Variants in AGBL4 observed in about 807,000 individuals in gnomAD.
AGBL4 encodes the protein cytosolic carboxypeptidase 6.
A neutral mutation model predicts 66.4 loss-of-function variants in AGBL4; 58 were observed. The ratio of observed to expected loss-of-function variants is 0.87; its 90% confidence interval spans 0.71 to 1.09. The LOEUF (loss-of-function observed/expected upper bound fraction) is 1.09, where lower values mean the gene tolerates loss of function less well. Among genes scored for constraint, AGBL4 ranks in the 50% least tolerant of loss-of-function variants. The probability of loss-of-function intolerance (pLI) is 0.00; values close to 1 mark genes in which losing one functional copy is unlikely to be tolerated. For synonymous variants in AGBL4, 234 were observed against 222.9 expected (o/e 1.05, Z -0.44); for missense variants, 579 against 631.0 (o/e 0.92, Z 0.88).
intron 4 of AGBL4, among the ~76,000 whole-genome samples, chr1:49,139,804 T>C (rs1385226654): frequency 6.6e-6 from 1 of 152,172 alleles, no homozygotes; most frequent in African/African-American, 2.4e-5. Flanking sequence ...TTTTTTATTG[T>C]TTGTTGCCTC....
At chr1:49,611,107 T>G (rs1051553078) in intron 3 of AGBL4, among the ~76,000 whole-genome samples, 1 of 152,130 alleles carries the variant, frequency 6.6e-6, no homozygotes, top group Non-Finnish European at 1.5e-5. Context: ...TACCAAAACC[T>G]GGAGAATGTA....
chr1:49,035,407 G>A (rs572136678), intron 5 of AGBL4, among the ~76,000 whole-genome samples: 41 of 152,258 alleles, frequency 2.7e-4, no homozygotes, highest in African/African-American at 9.6e-4. Flanking sequence ...AGAAAAGAAA[G>A]TACACTTGGA....
At chr1:49,565,104 T>C (rs1644159842) in intron 3 of AGBL4, among the ~76,000 whole-genome samples, 1 of 152,210 alleles carries the variant, frequency 6.6e-6, no homozygotes. Flanking sequence ...TTAAAGTCTG[T>C]TTTTTCTGAG....
intron 3 of AGBL4, among the ~76,000 whole-genome samples, chr1:49,477,174 A>G (rs1219673810): frequency 1.3e-5 from 2 of 152,068 alleles, no homozygotes; most frequent in Non-Finnish European, 2.9e-5. Flanking sequence ...ATAAACTTGG[A>G]TAGCTTCACT....
intron 2 of AGBL4, among the ~76,000 whole-genome samples, chr1:49,709,558 G>A (rs942706712): frequency 1.3e-5 from 2 of 152,006 alleles, no homozygotes; most frequent in African/African-American, 4.8e-5. Flanking sequence ...CAAAAGCAAT[G>A]GCAAACACCA....
chr1:49,488,895 A>G (rs1482746186), intron 3 of AGBL4, among the ~76,000 whole-genome samples: 1 of 151,884 alleles, frequency 6.6e-6, no homozygotes, highest in Non-Finnish European at 1.5e-5. Context: ...ATTGTACCCC[A>G]TTGTGTATAT....
intron 6 of AGBL4, among the ~76,000 whole-genome samples, chr1:48,764,852 G>C (rs191910531): frequency 8.9e-4 from 136 of 152,328 alleles, no homozygotes; most frequent in Middle Eastern, 6.8e-3. Flanking sequence ...GCGGATGACA[G>C]AGCTCAGCAA....
intron 4 of AGBL4, among the ~76,000 whole-genome samples, chr1:49,076,063 G>A (rs1015221945): frequency 1.3e-5 from 2 of 152,158 alleles, no homozygotes; most frequent in Admixed American, 1.3e-4. Flanking sequence ...ATTTAAGTAA[G>A]GCAATATATT....
At chr1:49,385,900 T>C (rs1411882065) in intron 3 of AGBL4, among the ~76,000 whole-genome samples, 1 of 152,072 alleles carries the variant, frequency 6.6e-6, no homozygotes, top group Non-Finnish European at 1.5e-5. Flanking sequence ...GTATTCCAGT[T>C]ATAAAATATC....
chr1:49,390,451 A>C (rs1355305509), intron 3 of AGBL4, among the ~76,000 whole-genome samples: 1 of 152,216 alleles, frequency 6.6e-6, no homozygotes, highest in African/African-American at 2.4e-5. Context: ...ATAATGAAGG[A>C]GACATACTCA....
chr1:48,633,010 CTA>C (rs1484660654), intron 9 of AGBL4, among the ~76,000 whole-genome samples: 1 of 152,220 alleles, frequency 6.6e-6, no homozygotes, highest in Non-Finnish European at 1.5e-5. Context: ...CACAATCATT[CTA>C]TCTCTGCATA....
intron 5 of AGBL4, among the ~76,000 whole-genome samples, chr1:49,015,422 ATTT>A (rs549726675): frequency 8.6e-5 from 11 of 128,618 alleles, no homozygotes; most frequent in Non-Finnish European, 5.0e-5. Context: ...ATTTCAAGTA[ATTT>A]TTTTTTTTTT....
At chr1:48,707,110 A>G (rs1489884431) in intron 6 of AGBL4, among the ~76,000 whole-genome samples, 1 of 152,146 alleles carries the variant, frequency 6.6e-6, no homozygotes, top group African/African-American at 2.4e-5. Context: ...CCTGGGTAAC[A>G]TGGTGAAACC....
At chr1:49,989,977 T>C (rs934040736) in intron 1 of AGBL4, among the ~76,000 whole-genome samples, 1 of 152,100 alleles carries the variant, frequency 6.6e-6, no homozygotes, top group Admixed American at 6.6e-5. Flanking sequence ...CCAGAAAGGG[T>C]AAACACAAAA....
intron 1 of AGBL4, among the ~76,000 whole-genome samples, chr1:49,853,371 T>C (rs1646353156): frequency 6.6e-6 from 1 of 152,106 alleles, no homozygotes; most frequent in African/African-American, 2.4e-5. Flanking sequence ...AATGCATTCA[T>C]CAGTACACTT....
intron 4 of AGBL4, among the ~76,000 whole-genome samples, chr1:49,122,491 T>C (rs1323448501): frequency 6.6e-6 from 1 of 152,236 alleles, no homozygotes; most frequent in Non-Finnish European, 1.5e-5. Flanking sequence ...ACAAAAATAT[T>C]CCAATCACAT....
intron 5 of AGBL4, among the ~76,000 whole-genome samples, chr1:48,925,620 T>C (rs1284023582): frequency 1.3e-5 from 2 of 152,150 alleles, no homozygotes; most frequent in African/African-American, 4.8e-5. Flanking sequence ...AGCCAAAAGA[T>C]TGGACACCCC....
intron 1 of AGBL4, among the ~76,000 whole-genome samples, chr1:49,953,523 TAATGTCTATTCCC>T (rs1416197763): frequency 1.3e-4 from 20 of 152,006 alleles, no homozygotes; most frequent in Admixed American, 2.6e-4. Flanking sequence ...GGCATATTTT[TAATGTCTATTCCC>T]AGAGATCAGA....
chr1:49,971,082 A>C (rs1385477412), intron 1 of AGBL4, among the ~76,000 whole-genome samples: 1 of 152,176 alleles, frequency 6.6e-6, no homozygotes, highest in East Asian at 1.9e-4. Context: ...AAATTTTTGA[A>C]CACATTACAC....
Sources: allele counts gnomAD v4.1 joint callset (sites outside exome capture counted in the v4.1 genomes callset), GRCh38; gene constraint gnomAD v4.1.1; transcripts MANE v1.5; gene names NCBI Gene and HGNC (gene_info 2026-07-23, HGNC 2026-07-21).